Variants in SGMS1 observed in about 807,000 individuals in gnomAD.
SGMS1 encodes the protein sphingomyelin synthase 1.
In SGMS1, 13 loss-of-function variants were observed where a neutral mutation model predicts 46.2. That is an observed-to-expected ratio of 0.28 (90% confidence interval 0.18 to 0.45). The LOEUF is 0.45. Among genes scored for constraint, SGMS1 ranks in the 20% least tolerant of loss-of-function variants. SGMS1 has a pLI of 1.00. For missense variants in SGMS1, 324 were observed against 519.9 expected, an observed-to-expected ratio of 0.62 and a Z score of 3.66; for synonymous variants, 203 against 187.8, an observed-to-expected ratio of 1.08 and a Z score of -0.66.
intron 8 of SGMS1, among the ~76,000 whole-genome samples, chr10:50,316,804 C>G (rs978567607): frequency 1.3e-5 from 2 of 152,164 alleles, no homozygotes; most frequent in Non-Finnish European, 2.9e-5. Context: ...CCTCATCAAT[C>G]TGCATCTTCA....
intron 2 of SGMS1, among the ~76,000 whole-genome samples, chr10:50,537,934 A>C (rs1838017859): frequency 6.6e-6 from 1 of 152,026 alleles, no homozygotes; most frequent in South Asian, 2.1e-4. Flanking sequence ...TGCATCTATT[A>C]AGCCATATGA....
intron 2 of SGMS1, among the ~76,000 whole-genome samples, chr10:50,573,792 A>G (rs933167698): frequency 2.0e-5 from 3 of 152,212 alleles, no homozygotes; most frequent in African/African-American, 7.2e-5. Context: ...AGCTACAGTA[A>G]TGAAAACATT....
At chr10:50,317,847 C>T (rs2842092) in intron 8 of SGMS1, among the ~76,000 whole-genome samples, 166 of 149,974 alleles carry the variant, frequency 1.1e-3, no homozygotes, top group Admixed American at 2.8e-3. Context: ...TTGAGAGCCC[C>T]GGCTGGAGTG....
chr10:50,502,306 G>GAAA lies in SGMS1; in HGVS notation c.-498+17522_-498+17524dup, dbSNP rs71471395. ...CAAAGATGATTTACAAATGAGGAAA[G>GAAA]AAAAAAAAAAAAAAAAACCAGCACA... is the stretch of plus-strand genomic sequence containing the variant. On this transcript the variant is annotated intron_variant, in intron 3 of 10. Transcript: ENST00000361781. 2.1e-3 allele frequency among the ~76,000 whole-genome samples: 277 copies of GAAA among 130,946 alleles called. 7 individuals carry two copies. Among genetic ancestry groups the GAAA allele is most frequent in the South Asian group, 8.0e-3 (32 of 3,980 alleles). The allele number at this position is 130,946 out of a possible 152,430, so 85.9% of individuals were successfully genotyped here. A position where few individuals can be genotyped will look rare whatever the true frequency, so the allele number is the denominator to read the frequency against.
intron 3 of SGMS1, among the ~76,000 whole-genome samples, chr10:50,511,248 T>TACACACACACACAC (rs3054272): frequency 0.011 from 1,532 of 141,726 alleles, 13 homozygotes; most frequent in East Asian, 0.015. Flanking sequence ...CACTCATTCA[T>TACACACACACACAC]ACACACACAC....
At chr10:50,447,851 A>C (rs1373680952) in intron 5 of SGMS1, among the ~76,000 whole-genome samples, 1 of 152,190 alleles carries the variant, frequency 6.6e-6, no homozygotes, top group Non-Finnish European at 1.5e-5. Flanking sequence ...TCTCTTGTCC[A>C]TAGTCATTTT....
At chr10:50,430,470 C>CAAAAAAAAAA (rs10625082) in intron 6 of SGMS1, among the ~76,000 whole-genome samples, 1 of 136,266 alleles carries the variant, frequency 7.3e-6, no homozygotes, top group African/African-American at 2.7e-5. Context: ...TGGCAGAATA[C>CAAAAAAAAAA]AAAAAAAAAA....
intron 2 of SGMS1, among the ~76,000 whole-genome samples, chr10:50,540,814 G>A (rs1485300368): frequency 6.6e-6 from 1 of 152,116 alleles, no homozygotes; most frequent in Non-Finnish European, 1.5e-5. Flanking sequence ...CTGCAGGTTT[G>A]TTTGTTTTTT....
At chr10:50,593,032 C>T (rs1271937656) in intron 1 of SGMS1, among the ~76,000 whole-genome samples, 1 of 150,810 alleles carries the variant, frequency 6.6e-6, no homozygotes, top group Non-Finnish European at 1.5e-5. Context: ...TGGCGTGAGA[C>T]TGCAAAAGTC....
At chr10:50,461,095 C>T (rs1240866191) in intron 4 of SGMS1, among the ~76,000 whole-genome samples, 1 of 151,984 alleles carries the variant, frequency 6.6e-6, no homozygotes, top group Non-Finnish European at 1.5e-5. Flanking sequence ...AAGTCTTAGG[C>T]CTATAACTAT....
intron 8 of SGMS1, among the ~76,000 whole-genome samples, chr10:50,313,542 C>T (rs917330029): frequency 2.6e-5 from 4 of 152,148 alleles, no homozygotes; most frequent in Non-Finnish European, 5.9e-5. Context: ...TGCATGCCTG[C>T]ATAAACATTA....
At chr10:50,353,159 C>A (rs1316739863) in intron 6 of SGMS1, among the ~76,000 whole-genome samples, 1 of 152,248 alleles carries the variant, frequency 6.6e-6, no homozygotes, top group East Asian at 1.9e-4. Context: ...AGACCAATGT[C>A]CCTGATGAAC....
At chr10:50,548,200 G>GA (rs1164195554) in intron 2 of SGMS1, among the ~76,000 whole-genome samples, 1 of 152,074 alleles carries the variant, frequency 6.6e-6, no homozygotes, top group East Asian at 1.9e-4. Flanking sequence ...CATAGAACTA[G>GA]AAAAAACTAT....
intron 1 of SGMS1, among the ~76,000 whole-genome samples, chr10:50,604,467 A>G (rs1838676525): frequency 6.6e-6 from 1 of 152,250 alleles, no homozygotes; most frequent in Admixed American, 6.5e-5. Flanking sequence ...ATTTGCCTAG[A>G]CGTCTGATAC....
intron 2 of SGMS1, among the ~76,000 whole-genome samples, chr10:50,553,184 T>G (rs1368899347): frequency 6.6e-6 from 1 of 152,226 alleles, no homozygotes; most frequent in Non-Finnish European, 1.5e-5. Context: ...CAATTAGCCT[T>G]AGTTAGCAAG....
intron 2 of SGMS1, among the ~76,000 whole-genome samples, chr10:50,573,842 C>T (rs556490663): frequency 6.6e-6 from 1 of 152,114 alleles, no homozygotes; most frequent in Admixed American, 6.5e-5. Context: ...ATCAATAGAA[C>T]AGAATAAACA....
At chr10:50,473,974 C>T (rs1274531948) in intron 3 of SGMS1, 1 of 152,222 alleles carries the variant, frequency 6.6e-6, no homozygotes, top group Admixed American at 6.5e-5. Flanking sequence ...AATCAAGAAA[C>T]CCTAAAGGAA....
chr10:50,618,799 G>A (rs977414294), intron 1 of SGMS1, among the ~76,000 whole-genome samples: 4 of 152,096 alleles, frequency 2.6e-5, no homozygotes, highest in Non-Finnish European at 5.9e-5. Context: ...TTAGAGCAGC[G>A]GTTCTCAAAC....
intron 6 of SGMS1, among the ~76,000 whole-genome samples, chr10:50,348,344 C>T (rs555010049): frequency 7.2e-4 from 110 of 152,190 alleles, no homozygotes; most frequent in African/African-American, 2.3e-3. Context: ...AGAAATAAAG[C>T]GCATTCAAAT....
Sources: allele counts gnomAD v4.1 joint callset (sites outside exome capture counted in the v4.1 genomes callset), GRCh38; gene constraint gnomAD v4.1.1; transcripts MANE v1.5; gene names NCBI Gene and HGNC (gene_info 2026-07-23, HGNC 2026-07-21).